Variants in SYN3 observed in about 807,000 individuals in gnomAD.
SYN3 encodes the protein synapsin-3.
SYN3 carries 35 observed loss-of-function variants against 65.8 expected under a neutral mutation model. The ratio of observed to expected loss-of-function variants is 0.53; its 90% confidence interval spans 0.41 to 0.70. The LOEUF (loss-of-function observed/expected upper bound fraction) is 0.70. SYN3 is among the 30% of genes least tolerant of loss of function. The probability of loss-of-function intolerance (pLI) is 0.00; values close to 1 mark genes in which losing one functional copy is unlikely to be tolerated. For synonymous variants in SYN3, 270 were observed against 292.9 expected (o/e 0.92, Z 0.80); for missense variants, 680 against 749.0 (o/e 0.91, Z 1.08).
chr22:33,007,293 G>C (rs133946), intron 1 of SYN3, among the ~76,000 whole-genome samples: 67,817 of 152,038 alleles, frequency 0.45, 15,422 homozygotes, highest in Middle Eastern at 0.54. Flanking sequence ...AGATGTACAA[G>C]TTGAAAGAAC....
chr22:32,572,769 C>T (rs1167231798), intron 7 of SYN3, among the ~76,000 whole-genome samples: 1 of 152,088 alleles, frequency 6.6e-6, no homozygotes, highest in Non-Finnish European at 1.5e-5. Context: ...TCTGACAATA[C>T]ACCAGCCCCA....
intron 6 of SYN3, among the ~76,000 whole-genome samples, chr22:32,671,328 A>T (rs1343340529): frequency 6.6e-6 from 1 of 151,758 alleles, no homozygotes; most frequent in Non-Finnish European, 1.5e-5. Flanking sequence ...CCTGTCACAT[A>T]CACACACCCA....
intron 7 of SYN3, among the ~76,000 whole-genome samples, chr22:32,543,019 C>T (rs1190748468): frequency 2.0e-5 from 3 of 152,038 alleles, no homozygotes; most frequent in South Asian, 2.1e-4. Flanking sequence ...GTGGAGTGGC[C>T]GGGCACTAGG....
intron 6 of SYN3, among the ~76,000 whole-genome samples, chr22:32,765,335 A>C (rs2045594960): frequency 6.6e-6 from 1 of 152,114 alleles, no homozygotes; most frequent in South Asian, 2.1e-4. Flanking sequence ...CGCCCACTTC[A>C]TCTGCCCTGG....
intron 4 of SYN3, among the ~76,000 whole-genome samples, chr22:32,876,811 CCACT>C (rs1303616720): frequency 2.6e-5 from 4 of 152,104 alleles, no homozygotes; most frequent in Non-Finnish European, 5.9e-5. Context: ...GAGATGAAAA[CCACT>C]CATTTGTTAA....
At chr22:32,834,363 G>T (rs11089595) in intron 6 of SYN3, among the ~76,000 whole-genome samples, 1 of 151,144 alleles carries the variant, frequency 6.6e-6, no homozygotes, top group Admixed American at 6.6e-5. Context: ...GGGTTCCACC[G>T]TGTTGGCCAG....
At chr22:32,967,399 A>G (rs756928420) in intron 3 of SYN3, among the ~76,000 whole-genome samples, 3 of 152,196 alleles carry the variant, frequency 2.0e-5, no homozygotes, top group Non-Finnish European at 4.4e-5. Context: ...GTTCTCTGCT[A>G]TCAGCCTCCC....
chr22:32,529,793 T>C (rs1459673161), intron 10 of SYN3, among the ~76,000 whole-genome samples: 1 of 152,196 alleles, frequency 6.6e-6, no homozygotes, highest in Non-Finnish European at 1.5e-5. Flanking sequence ...TCTGCTCCAC[T>C]GCAGGAGTCG....
intron 6 of SYN3, chr22:32,860,365 G>C (rs1008672538): frequency 3.3e-5 from 5 of 152,716 alleles, no homozygotes; most frequent in African/African-American, 1.2e-4. Context: ...GCTCACCTAG[G>C]GGGATATGTT....
intron 3 of SYN3, among the ~76,000 whole-genome samples, chr22:32,965,163 T>G (rs999742335): frequency 1.3e-5 from 2 of 152,176 alleles, no homozygotes; most frequent in African/African-American, 4.8e-5. Flanking sequence ...GAAAATTAAA[T>G]GTATACAGAT....
At chr22:32,714,981 C>T (rs912581859) in intron 6 of SYN3, among the ~76,000 whole-genome samples, 14 of 152,058 alleles carry the variant, frequency 9.2e-5, no homozygotes, top group Non-Finnish European at 1.8e-4. Flanking sequence ...CAACTTTCCC[C>T]GAAGTATGTT....
At chr22:32,991,168 G>A (rs756022100) in intron 2 of SYN3, among the ~76,000 whole-genome samples, 33 of 151,698 alleles carry the variant, frequency 2.2e-4, no homozygotes, top group Non-Finnish European at 3.2e-4. Context: ...GGGCAACAGA[G>A]TGAGACTCCG....
chr22:32,699,475 A>G (rs2060782280), intron 6 of SYN3, among the ~76,000 whole-genome samples: 1 of 152,182 alleles, frequency 6.6e-6, no homozygotes, highest in African/African-American at 2.4e-5. Flanking sequence ...AGGTGGTGCC[A>G]AAAGGGAGAG....
At chr22:32,982,623 T>A (rs1201141213) in intron 2 of SYN3, among the ~76,000 whole-genome samples, 1 of 152,226 alleles carries the variant, frequency 6.6e-6, no homozygotes, top group East Asian at 1.9e-4. Flanking sequence ...TTAATGTCTG[T>A]GTACCACTAA....
At chr22:32,995,218 A>G (rs2052843892) in intron 2 of SYN3, among the ~76,000 whole-genome samples, 1 of 152,146 alleles carries the variant, frequency 6.6e-6, no homozygotes, top group African/African-American at 2.4e-5. Context: ...CAGCCAGAAA[A>G]CAAGGAAGCT....
At chr22:32,861,649 G>A (rs192250242) in intron 6 of SYN3, 15 of 152,736 alleles carry the variant, frequency 9.8e-5, no homozygotes, top group Admixed American at 2.6e-4. Context: ...GTTTCCCTGC[G>A]GAGTCGATAA....
At chr22:32,710,098 C>CACACATAT (rs71320948) in intron 6 of SYN3, among the ~76,000 whole-genome samples, 4,111 of 129,510 alleles carry the variant, frequency 0.032, 216 homozygotes, top group African/African-American at 0.11. Flanking sequence ...CACACACACA[C>CACACATAT]ATGTGTGTGT....
At chr22:32,774,615 C>T (rs888189919) in intron 6 of SYN3, among the ~76,000 whole-genome samples, 6 of 151,784 alleles carry the variant, frequency 4.0e-5, no homozygotes, top group South Asian at 2.1e-4. Flanking sequence ...TTTCTTTTCC[C>T]GATATGGAGT....
intron 7 of SYN3, among the ~76,000 whole-genome samples, chr22:32,546,865 T>C (rs1248265364): frequency 6.6e-6 from 1 of 151,592 alleles, no homozygotes; most frequent in Non-Finnish European, 1.5e-5. Flanking sequence ...CCTTCTCTTA[T>C]CTCCTCTCTC....
Sources: gnomAD v4.1 joint callset for allele counts (sites outside exome capture counted in the v4.1 genomes callset) on GRCh38, gnomAD v4.1.1 for gene constraint, MANE v1.5 for transcripts, NCBI Gene and HGNC (gene_info 2026-07-23, HGNC 2026-07-21) for gene names.